SS18: variants seen among roughly 807,000 people sequenced by gnomAD.
SS18 encodes protein SSXT.
Under a neutral mutation model 72.5 loss-of-function variants are expected in SS18, and 28 were observed. The observed-to-expected ratio is 0.39, with a 90% CI of 0.29 to 0.53. The LOEUF (loss-of-function observed/expected upper bound fraction) is 0.53, where lower values mean the gene tolerates loss of function less well. Among genes scored for constraint, SS18 ranks in the 20% least tolerant of loss-of-function variants. The pLI, the probability that SS18 is intolerant of heterozygous loss-of-function variation, is 0.76. For synonymous variants in SS18, 172 were observed against 164.2 expected (o/e 1.05, Z -0.37); for missense variants, 518 against 535.3 (o/e 0.97, Z 0.32).
chr18:26,057,515 T>C, intron 4 of SS18, 74 bp downstream of exon 4: 25 of 1,566,588 alleles, frequency 1.6e-5, no homozygotes, highest in Non-Finnish European at 2.2e-5. Context: ...AACAATCTAG[T>C]ATCCCTTGAG....
Position 26,087,501 on chromosome 18 carries a change from T to A in SS18, c.146A>T (p.Gln49Leu). The change falls in exon 2 of 11, where the codon CAG becomes CTG. Residue 49 changes from glutamine to leucine, a missense_variant and splice_region_variant. Transcript: ENST00000415083. ...QNKGKTSECS[Q>L]YQQMLHTNLV... is the part of the protein sequence containing the mutation. Reference sequence around the variant, plus strand: ...AAAAAAAGTTTCTTATCAATCTTACTGAGAACACTCTGAGGTCTTTCCTTT... The same window carrying A: ...AAAAAAAGTTTCTTATCAATCTTACAGAGAACACTCTGAGGTCTTTCCTTT... The A allele has an allele frequency of 6.4e-7, 1 of 1,564,794 alleles. No individual in the cohort carries two copies. Among genetic ancestry groups the A allele is most frequent in the Non-Finnish European group, 8.7e-7 (1 of 1,149,182 alleles).
intron 10 of SS18, among the ~76,000 whole-genome samples, chr18:26,019,050 T>C (rs73395629): frequency 0.016 from 2,440 of 152,152 alleles, 50 homozygotes; most frequent in African/African-American, 0.055. Context: ...AAAGGGAATA[T>C]AGACAAAAGG....
At chr18:26,044,355 T>G (rs537782867) in intron 5 of SS18, among the ~76,000 whole-genome samples, 1 of 150,622 alleles carries the variant, frequency 6.6e-6, no homozygotes, top group East Asian at 1.9e-4. Context: ...GACGGAGTCT[T>G]GCTCTGTCAC....
intron 5 of SS18, among the ~76,000 whole-genome samples, chr18:26,044,890 C>G (rs1418418646): frequency 1.3e-5 from 2 of 152,100 alleles, no homozygotes; most frequent in Non-Finnish European, 2.9e-5. Context: ...AAGGGAAACT[C>G]CCCTGGTCAG....
At chr18:26,072,909 A>G (rs2054341825) in intron 3 of SS18, among the ~76,000 whole-genome samples, 1 of 152,084 alleles carries the variant, frequency 6.6e-6, no homozygotes, top group Non-Finnish European at 1.5e-5. Context: ...CGATAGAACA[A>G]ACAAACAAAA....
intron 7 of SS18, among the ~76,000 whole-genome samples, chr18:26,036,643 C>T (rs2053631002): frequency 6.6e-6 from 1 of 151,918 alleles, no homozygotes; most frequent in Non-Finnish European, 1.5e-5. Flanking sequence ...TTTAAAGTTT[C>T]ACTAAGAAAA....
chr18:26,026,618 T>G (rs1567988180), intron 10 of SS18, among the ~76,000 whole-genome samples: 1 of 151,442 alleles, frequency 6.6e-6, no homozygotes, highest in African/African-American at 2.5e-5. Flanking sequence ...TAACATGGTA[T>G]TGGAGTTTCT....
At chr18:26,023,825 T>C (rs1164009802) in intron 10 of SS18, among the ~76,000 whole-genome samples, 1 of 145,416 alleles carries the variant, frequency 6.9e-6, no homozygotes, top group Non-Finnish European at 1.5e-5. Context: ...GGTAACTACA[T>C]GGGTCAATTT....
chr18:26,060,645 C>A (rs1356194681), intron 3 of SS18, among the ~76,000 whole-genome samples: 2 of 151,552 alleles, frequency 1.3e-5, no homozygotes, highest in Non-Finnish European at 2.9e-5. Context: ...GAGTTCCAGG[C>A]CAGATGTGGT....
intron 3 of SS18, among the ~76,000 whole-genome samples, chr18:26,069,838 G>T (rs1289832526): frequency 1.3e-5 from 2 of 152,022 alleles, no homozygotes; most frequent in Admixed American, 1.3e-4. Flanking sequence ...TAAACAAATG[G>T]TGCCTACCAC....
At chr18:26,059,134 C>G (rs1370323011) in intron 3 of SS18, among the ~76,000 whole-genome samples, 3 of 152,134 alleles carry the variant, frequency 2.0e-5, no homozygotes, top group Non-Finnish European at 4.4e-5. Context: ...GCTAGAATAA[C>G]TTGTATCAAA....
chr18:26,066,659 A>C (rs1458186038), intron 3 of SS18, among the ~76,000 whole-genome samples: 1 of 151,930 alleles, frequency 6.6e-6, no homozygotes, highest in African/African-American at 2.4e-5. Flanking sequence ...AGATATATCC[A>C]ATCTCTTTAC....
At chr18:26,070,494 G>A (rs1429125021) in intron 3 of SS18, among the ~76,000 whole-genome samples, 1 of 152,204 alleles carries the variant, frequency 6.6e-6, no homozygotes, top group Non-Finnish European at 1.5e-5. Flanking sequence ...AAGGTGAAGA[G>A]TAGTTCCCTT....
chr18:26,033,006 A>T (rs1363900510), intron 9 of SS18, among the ~76,000 whole-genome samples: 1 of 152,218 alleles, frequency 6.6e-6, no homozygotes, highest in Admixed American at 6.5e-5. Flanking sequence ...CCAAAAGTAT[A>T]TGTCTATACT....
intron 10 of SS18, among the ~76,000 whole-genome samples, chr18:26,029,080 A>G (rs1012370860): frequency 6.6e-6 from 1 of 152,220 alleles, no homozygotes; most frequent in African/African-American, 2.4e-5. Context: ...GAGGCACTGC[A>G]GGCATTCAGG....
chr18:26,033,311 T>C (rs1417841755), intron 9 of SS18, among the ~76,000 whole-genome samples: 2 of 152,050 alleles, frequency 1.3e-5, no homozygotes, highest in Non-Finnish European at 2.9e-5. Context: ...GTCAGGAGTT[T>C]GAGACCAGCC....
At chr18:26,072,902 T>C (rs1284156280) in intron 3 of SS18, among the ~76,000 whole-genome samples, 5 of 146,540 alleles carry the variant, frequency 3.4e-5, no homozygotes, top group South Asian at 2.1e-4. Flanking sequence ...CAGTAATCGA[T>C]AGAACAAACA....
intron 6 of SS18, 50 bp downstream of exon 6, chr18:26,039,239 T>TA (rs1444175551): frequency 7.2e-7 from 1 of 1,393,866 alleles, no homozygotes; most frequent in Non-Finnish European, 9.8e-7. Flanking sequence ...CATTAAAATT[T>TA]AAAGCCTTTC....
intron 10 of SS18, among the ~76,000 whole-genome samples, chr18:26,019,337 T>C (rs1354231764): frequency 1.3e-5 from 2 of 152,178 alleles, no homozygotes; most frequent in East Asian, 1.9e-4. Context: ...CTGTTTCCTT[T>C]GGCTAAACAA....
Sources: gnomAD v4.1 joint callset for allele counts (sites outside exome capture counted in the v4.1 genomes callset) on GRCh38, gnomAD v4.1.1 for gene constraint, MANE v1.5 for transcripts, NCBI Gene and HGNC (gene_info 2026-07-23, HGNC 2026-07-21) for gene names.